B4GALT4: variants seen among roughly 807,000 people sequenced by gnomAD.
The protein encoded by B4GALT4 is N-acetyllactosamine synthase.
A neutral mutation model predicts 37.3 loss-of-function variants in B4GALT4; 27 were observed. The ratio of observed to expected loss-of-function variants is 0.72; its 90% CI spans 0.53 to 1.00. The LOEUF is 1.00. Among genes scored for constraint, B4GALT4 ranks in the 50% least tolerant of loss-of-function variants. The pLI, the probability that B4GALT4 is intolerant of heterozygous loss-of-function variation, is 0.00. For synonymous variants in B4GALT4, 148 were observed against 154.1 expected, an observed-to-expected ratio of 0.96 and a Z score of 0.29; for missense variants, 372 against 413.1, an observed-to-expected ratio of 0.90 and a Z score of 0.86.
intron 5 of B4GALT4, among the ~76,000 whole-genome samples, chr3:119,222,565 C>T (rs952568902): frequency 2.0e-5 from 3 of 152,178 alleles, no homozygotes; most frequent in Non-Finnish European, 4.4e-5. Flanking sequence ...AACAGCTCCC[C>T]AACCCCTGCC....
intron 2 of B4GALT4, among the ~76,000 whole-genome samples, chr3:119,230,719 A>T (rs59258850): frequency 0.04 from 6,053 of 152,284 alleles, 399 homozygotes; most frequent in African/African-American, 0.14. Context: ...AGCTAGAAAA[A>T]CATGGTCCTC....
chr3:119,227,131 GC>G, intron 3 of B4GALT4, 90 bp from the exon 4 acceptor site: 1 of 1,111,508 alleles, frequency 9.0e-7, no homozygotes, highest in Non-Finnish European at 1.3e-6. Context: ...AAAGAACACT[GC>G]CCAGCTCACA....
intron 5 of B4GALT4, among the ~76,000 whole-genome samples, chr3:119,221,698 T>C (rs980676374): frequency 6.6e-6 from 1 of 152,184 alleles, no homozygotes; most frequent in Admixed American, 6.5e-5. Context: ...AAAATTAAGA[T>C]GGGAAATACA....
intron 6 of B4GALT4, among the ~76,000 whole-genome samples, chr3:119,217,151 C>T (rs2078314300): frequency 6.6e-6 from 1 of 152,222 alleles, no homozygotes; most frequent in African/African-American, 2.4e-5. Flanking sequence ...GAAGCTGAAG[C>T]ATAGCAGGAA....
rs958995904 is a variant in B4GALT4, at chr3:119,229,710, T to C, written c.253+137A>G. Reference sequence around the variant, plus strand: ...TTGTACATGTTATATTTATTTTATTTGAATGTATAGTTTTTGTGACACAGG... The same window carrying C: ...TTGTACATGTTATATTTATTTTATTCGAATGTATAGTTTTTGTGACACAGG... On this transcript the variant is annotated intron_variant, in intron 3 of 7. Transcript: ENST00000393765. 2.3e-5 allele frequency: 22 copies of C among 946,266 alleles called. 1 individual carries two copies. In the South Asian group the frequency reaches 4.4e-4, roughly 19 times the overall value. The allele number at this position is 946,266 out of a possible 1,614,324, so 58.6% of individuals were successfully genotyped here.
intron 5 of B4GALT4, among the ~76,000 whole-genome samples, chr3:119,220,646 C>A (rs1414240482): frequency 6.6e-6 from 1 of 152,098 alleles, no homozygotes; most frequent in African/African-American, 2.4e-5. Flanking sequence ...CCGACGACCA[C>A]CTGGAGAGGG....
rs1259101998 is a variant in B4GALT4 at position 119,216,269 on chromosome 3, T to C, written c.873A>G (p.Arg291=). The C allele has an allele frequency of 5.0e-6, 8 of 1,613,704 alleles. No individual in the cohort carries two copies. The African/African-American group carries it at 9.3e-5, about 19-fold the overall frequency. The part of the protein sequence containing the change: ...VGKYTMVFHT[R]DKGNEVNAER... ...CTGCGTTCACCTCATTGCCTTTGTCTCTAGTGTGGAAGACCATTGTATATT... is the reference window on the plus strand; with the variant it reads ...CTGCGTTCACCTCATTGCCTTTGTCCCTAGTGTGGAAGACCATTGTATATT... The change falls in exon 7 of 8, where the codon AGA becomes AGG. Residue 291 remains arginine (R), a synonymous_variant. Coordinates refer to ENST00000393765, the MANE Select transcript of B4GALT4 (RefSeq NM_003778.4).
chr3:119,222,617 G>A (rs781349917), intron 5 of B4GALT4, among the ~76,000 whole-genome samples: 53 of 152,186 alleles, frequency 3.5e-4, no homozygotes, highest in African/African-American at 1.2e-3. Flanking sequence ...GAAGGCCTGC[G>A]TAATCTGGCT....
chr3:119,219,235 G>A (rs2078377335), intron 5 of B4GALT4, among the ~76,000 whole-genome samples: 1 of 152,134 alleles, frequency 6.6e-6, no homozygotes, highest in Non-Finnish European at 1.5e-5. Context: ...GAGGGTTGAA[G>A]GCAGGAGACA....
intron 2 of B4GALT4, among the ~76,000 whole-genome samples, chr3:119,231,980 T>C (rs1263668685): frequency 4.6e-5 from 7 of 151,768 alleles, no homozygotes; most frequent in African/African-American, 1.7e-4. Flanking sequence ...TAATGGTGAA[T>C]AGAGAGGCAG....
chr3:119,212,630 A>G lies in B4GALT4; in HGVS notation c.954T>C (p.Ser318=). Residue 318 remains serine, a synonymous_variant, in exon 8 of 8, where the codon AGT becomes AGC. Transcript: ENST00000393765. ...CAGATACTAATTTATAAGAACAACT[A>G]CTCAACCCATCTGTTCTCCAGACTC... ...VSRVWRTDGL[S]SCSYKLVSVE... is the part of the protein sequence containing the mutation. 6.2e-7 allele frequency: 1 copy of G among 1,612,796 alleles called. No individual in the cohort carries two copies. The highest frequency in any genetic ancestry group is 8.5e-7 in the Non-Finnish European group (1 of 1,179,496).
intron 4 of B4GALT4, chr3:119,226,423 C>G: frequency 4.4e-6 from 1 of 225,242 alleles, no homozygotes. Context: ...GTCTAGATCC[C>G]CATTGAGTTG....
Position 119,227,010 on chromosome 3 carries a change from A to T in B4GALT4, c.285T>A (p.Asp95Glu). The change falls in exon 4 of 8, where the codon GAT becomes GAA. Residue 95 changes from aspartate (D) to glutamate (E), a missense_variant. By Grantham distance (45) the Asp-to-Glu change is conservative (BLOSUM62 2). Coordinates refer to ENST00000393765, the MANE Select transcript of B4GALT4 (RefSeq NM_003778.4). ...RGQSKLIFKPDLTLEEVQAEN... is the reference protein window; with the variant it reads ...RGQSKLIFKPELTLEEVQAEN... ...CTGCCTGTACCTCTTCCAAAGTGAG[A>T]TCTGGTTTGAAAATGAGCTTGCTCT... 6.2e-7 allele frequency: 1 copy of T among 1,614,112 alleles called. No individual in the cohort carries two copies. The highest frequency in any genetic ancestry group is 8.5e-7 in the Non-Finnish European group (1 of 1,180,026).
At position 119,229,915 on chromosome 3, in the gene B4GALT4, G is replaced by C. The variant is rs1249739758; in HGVS notation, c.185C>G (p.Thr62Ser). The change falls in exon 3 of 8, where the codon ACT becomes AGT. Residue 62 changes from threonine (T) to serine (S), a missense_variant. Physicochemically the swap from Thr to Ser is moderately conservative, Grantham distance 58 (BLOSUM62 1). Coordinates refer to ENST00000393765, the MANE Select transcript of B4GALT4 (RefSeq NM_003778.4). ...HKTLILGKGK[T>S]LTNEASTKKV... Reference sequence around the variant, plus strand: ...CTTCGTGGATGCTTCATTAGTCAGAGTTTTTCCCTTCCCCAAAATGAGGGT... The same window carrying C: ...CTTCGTGGATGCTTCATTAGTCAGACTTTTTCCCTTCCCCAAAATGAGGGT... 1.2e-6 allele frequency: 2 copies of C among 1,614,036 alleles called. No individual in the cohort carries two copies. The highest frequency in any genetic ancestry group is 1.7e-6 in the Non-Finnish European group (2 of 1,180,026).
chr3:119,216,463 CACACACACAG>C (rs2078296909), intron 6 of B4GALT4, 119 bp from the exon 7 acceptor site: 1 of 454,330 alleles, frequency 2.2e-6, no homozygotes, highest in Non-Finnish European at 3.8e-6. Flanking sequence ...CACACACACA[CACACACACAG>C]TGTCACAAAC....
chr3:119,227,025 G>A lies in B4GALT4; in HGVS notation c.270C>T (p.Leu90=). Residue 90 remains leucine (L), a synonymous_variant, in exon 4 of 8, where the codon CTC becomes CTT. Coordinates refer to ENST00000393765, the MANE Select transcript of B4GALT4 (RefSeq NM_003778.4). ...CCAAAGTGAGATCTGGTTTGAAAAT[G>A]AGCTTGCTCTGGCCTCCTACAATGA... ...VSPYLRGQSK[L]IFKPDLTLEE... 6.2e-7 allele frequency: 1 copy of A among 1,614,132 alleles called. No individual in the cohort carries two copies. Among genetic ancestry groups the A allele is most frequent in the Non-Finnish European group, 8.5e-7 (1 of 1,180,016 alleles).
At chr3:119,224,334 A>C in intron 4 of B4GALT4, 89 bp from the exon 5 acceptor site, 1 of 915,342 alleles carries the variant, frequency 1.1e-6, no homozygotes, top group South Asian at 2.1e-5. Flanking sequence ...AGATGGTATT[A>C]TTCTAATTAT....
intron 5 of B4GALT4, among the ~76,000 whole-genome samples, chr3:119,223,304 G>A (rs78570320): frequency 1.3e-5 from 2 of 152,362 alleles, no homozygotes; most frequent in East Asian, 3.9e-4. Context: ...CAGCACCACA[G>A]ATATGAGCAC....
rs2078756088 is a variant in B4GALT4, at chr3:119,229,963, T to C, written c.137A>G (p.Glu46Gly). The stretch of plus-strand genomic sequence containing the variant: ...GGTCTTATGGAAATTAGCCATGAAC[T>C]CCTTTGCTTTAGGAATCTCTTGAAT... ...GAIQEIPKAK[E>G]FMANFHKTLI... The change falls in exon 3 of 8, where the codon GAG becomes GGG. Residue 46 changes from glutamate to glycine, a missense_variant. Physicochemically the swap from Glu to Gly is moderately conservative, Grantham distance 98. Transcript: ENST00000393765. The C allele has an allele frequency of 1.2e-6, 2 of 1,614,058 alleles. No homozygotes were observed. Among genetic ancestry groups the C allele is most frequent in the Admixed American group, 3.3e-5 (2 of 60,000 alleles).
Sources: allele counts gnomAD v4.1 joint callset (sites outside exome capture counted in the v4.1 genomes callset), GRCh38; gene constraint gnomAD v4.1.1; transcripts MANE v1.5; gene names NCBI Gene and HGNC (gene_info 2026-07-23, HGNC 2026-07-21).